The following STAG1 variants were observed in gnomAD, a reference collection of about 807,000 sequenced individuals.
The protein encoded by STAG1 is STAG1 cohesin complex component, also known as cohesin subunit SA-1.
In STAG1, 26 loss-of-function variants were observed where a neutral mutation model predicts 170.9. That is an observed-to-expected ratio of 0.15 (90% confidence interval 0.11 to 0.21). The LOEUF (loss-of-function observed/expected upper bound fraction) is 0.21, where lower values mean the gene tolerates loss of function less well. STAG1 is among the 10% of genes least tolerant of loss of function. STAG1 has a pLI of 1.00. For synonymous variants in STAG1, 514 were observed against 497.7 expected, an observed-to-expected ratio of 1.03 and a Z score of -0.44; for missense variants, 964 against 1,509.5, an observed-to-expected ratio of 0.64 and a Z score of 5.99.
At chr3:136,512,684 G>A (rs534975832) in intron 7 of STAG1, among the ~76,000 whole-genome samples, 1 of 152,080 alleles carries the variant, frequency 6.6e-6, no homozygotes, top group African/African-American at 2.4e-5. Context: ...TCTGCAAAGA[G>A]GCTGAACTTC....
intron 1 of STAG1, among the ~76,000 whole-genome samples, chr3:136,710,327 T>C (rs1943348094): frequency 1.3e-5 from 2 of 152,346 alleles, no homozygotes; most frequent in South Asian, 4.1e-4. Flanking sequence ...GAAACTAAGC[T>C]GTTAAAATTT....
chr3:136,494,813 ACAT>A (rs752329392), intron 9 of STAG1, among the ~76,000 whole-genome samples: 1 of 152,208 alleles, frequency 6.6e-6, no homozygotes, highest in Non-Finnish European at 1.5e-5. Flanking sequence ...TTAGTTAATA[ACAT>A]CGTGCCTAAT....
chr3:136,447,322 T>C (rs66637842), intron 14 of STAG1, among the ~76,000 whole-genome samples: 1 of 151,168 alleles, frequency 6.6e-6, no homozygotes, highest in Non-Finnish European at 1.5e-5. Context: ...ATACAAAAAT[T>C]GCTGGGTGTG....
At chr3:136,522,081 T>C (rs1934707516) in intron 6 of STAG1, among the ~76,000 whole-genome samples, 1 of 152,246 alleles carries the variant, frequency 6.6e-6, no homozygotes, top group African/African-American at 2.4e-5. Context: ...TAGAGGTTTC[T>C]CTGTCTAGTG....
At chr3:136,708,491 T>C (rs1559963827) in intron 1 of STAG1, among the ~76,000 whole-genome samples, 2 of 152,234 alleles carry the variant, frequency 1.3e-5, no homozygotes, top group East Asian at 1.9e-4. Context: ...AAGTTATTAC[T>C]TACGGATATG....
chr3:136,727,036 C>G (rs1387893862), intron 1 of STAG1, among the ~76,000 whole-genome samples: 1 of 152,138 alleles, frequency 6.6e-6, no homozygotes, highest in Non-Finnish European at 1.5e-5. Flanking sequence ...CTCAGAGATG[C>G]CTTTCCTGGC....
rs532244560 is a variant in STAG1 at position 136,337,294 on chromosome 3, T to G, written c.*960A>C. 1 of 152,764 alleles carries G rather than the reference T, an allele frequency of 6.5e-6. No individual in the cohort carries two copies. The highest frequency in any genetic ancestry group is 2.4e-5 in the African/African-American group (1 of 41,582). The allele number at this position is 152,764 out of a possible 1,614,324, so 9.5% of individuals were successfully genotyped here. ...TACTTTTGAATGATTGATAAAGGAT[T>G]TCTTCATGATTGATTATCTTAAGAA... On this transcript the variant is annotated 3_prime_UTR_variant, in exon 34 of 34. Coordinates refer to ENST00000383202, the MANE Select transcript of STAG1 (RefSeq NM_005862.3).
At chr3:136,458,464 A>C (rs2089180883) in intron 13 of STAG1, among the ~76,000 whole-genome samples, 1 of 152,168 alleles carries the variant, frequency 6.6e-6, no homozygotes, top group Non-Finnish European at 1.5e-5. Context: ...ACATAAAATA[A>C]CCTGTTTTAA....
At chr3:136,735,042 C>G (rs189805332) in intron 1 of STAG1, among the ~76,000 whole-genome samples, 1 of 152,290 alleles carries the variant, frequency 6.6e-6, no homozygotes, top group East Asian at 1.9e-4. Flanking sequence ...TATTATTGCA[C>G]TCTCCAATTC....
At chr3:136,689,560 C>G (rs1303903092) in intron 1 of STAG1, among the ~76,000 whole-genome samples, 2 of 152,136 alleles carry the variant, frequency 1.3e-5, no homozygotes, top group African/African-American at 2.4e-5. Flanking sequence ...TATCATCAAA[C>G]CAGTAGCCAT....
At chr3:136,576,549 T>G (rs551301690) in intron 4 of STAG1, among the ~76,000 whole-genome samples, 1 of 152,226 alleles carries the variant, frequency 6.6e-6, no homozygotes, top group Admixed American at 6.5e-5. Flanking sequence ...TAAAAATTAA[T>G]ATTCTGTCTT....
At chr3:136,391,999 T>C (rs1322667886) in intron 22 of STAG1, among the ~76,000 whole-genome samples, 1 of 152,186 alleles carries the variant, frequency 6.6e-6, no homozygotes, top group African/African-American at 2.4e-5. Context: ...TTGAGTTAAA[T>C]TATAACTTGA....
intron 1 of STAG1, among the ~76,000 whole-genome samples, chr3:136,714,962 TA>T (rs1222994957): frequency 1.6e-4 from 11 of 67,812 alleles, no homozygotes; most frequent in South Asian, 4.5e-4. Context: ...TATATATATA[TA>T]TTTTATATAT....
At chr3:136,529,108 A>T (rs1315983278) in intron 6 of STAG1, among the ~76,000 whole-genome samples, 3 of 152,170 alleles carry the variant, frequency 2.0e-5, no homozygotes, top group Non-Finnish European at 4.4e-5. Flanking sequence ...TTCTGAAATA[A>T]TTCAGCCAGA....
At chr3:136,344,089 G>C in intron 29 of STAG1, 83 bp from the exon 30 acceptor site, 6 of 1,047,634 alleles carry the variant, frequency 5.7e-6, no homozygotes, top group Non-Finnish European at 7.9e-6. Flanking sequence ...TGTGAAGAGT[G>C]TGGCTCTGCA....
intron 6 of STAG1, among the ~76,000 whole-genome samples, chr3:136,531,460 C>T (rs1428622512): frequency 1.1e-4 from 17 of 149,684 alleles, no homozygotes; most frequent in African/African-American, 3.7e-4. Flanking sequence ...CACATGCACA[C>T]GTCTGTTTAT....
intron 30 of STAG1, among the ~76,000 whole-genome samples, chr3:136,343,436 G>A (rs1259669563): frequency 6.6e-6 from 1 of 152,174 alleles, no homozygotes; most frequent in African/African-American, 2.4e-5. Flanking sequence ...TTAATTAAAT[G>A]GATGATAAAG....
intron 22 of STAG1, among the ~76,000 whole-genome samples, chr3:136,382,626 G>T (rs1032112891): frequency 1.3e-5 from 2 of 151,922 alleles, no homozygotes; most frequent in African/African-American, 4.8e-5. Flanking sequence ...GACCAGGCTG[G>T]TCTCGAACTC....
At chr3:136,396,209 G>GTTTTTTTTTTTTTTT in intron 22 of STAG1, among the ~76,000 whole-genome samples, 1 of 87,952 alleles carries the variant, frequency 1.1e-5, no homozygotes, top group Non-Finnish European at 2.1e-5. Flanking sequence ...GTGTAACACA[G>GTTTTTTTTTTTTTTT]TTTTTTTTTT....
Sources: gnomAD v4.1 joint callset for allele counts (sites outside exome capture counted in the v4.1 genomes callset) on GRCh38, gnomAD v4.1.1 for gene constraint, MANE v1.5 for transcripts, NCBI Gene and HGNC (gene_info 2026-07-23, HGNC 2026-07-21) for gene names.